The following PTPRF variants were observed in gnomAD, a reference collection of about 807,000 sequenced individuals.
PTPRF encodes protein tyrosine phosphatase receptor type F.
PTPRF carries 59 observed loss-of-function variants against 201.8 expected under a neutral mutation model. The ratio of observed to expected loss-of-function variants is 0.29; its 90% confidence interval spans 0.24 to 0.36. PTPRF has a LOEUF of 0.36. PTPRF is among the 10% of genes least tolerant of loss of function. The pLI is 1.00. For synonymous variants in PTPRF, 1,088 were observed against 1,089.7 expected (o/e 1.00, Z 0.03); for missense variants, 2,132 against 2,690.5 (o/e 0.79, Z 4.59).
rs74336363 is a variant in PTPRF at position 43,554,178 on chromosome 1, G to A, written c.379+237G>A. Among the ~76,000 whole-genome samples the A allele has an allele frequency of 1.8e-3, 272 of 152,320 alleles. 3 individuals carry two copies. The highest frequency in any genetic ancestry group is 5.9e-3 in the African/African-American group (247 of 41,556). Reference sequence around the variant, plus strand: ...TGCCTTTGTATTCTCCTGCTGAGCCGGGTCGTTGGTTGGGTGGGGTCTGGG... The same window carrying A: ...TGCCTTTGTATTCTCCTGCTGAGCCAGGTCGTTGGTTGGGTGGGGTCTGGG... On this transcript the variant is annotated intron_variant, in intron 5 of 33. Coordinates refer to ENST00000359947, the MANE Select transcript of PTPRF (RefSeq NM_002840.5). This position sits in a 1 kb window ranked among gnomAD's most constrained non-coding sequence, Gnocchi z 4.1.
intron 31 of PTPRF, 36 bp from the exon 32 acceptor site, chr1:43,620,802 C>G: frequency 6.3e-7 from 1 of 1,591,000 alleles, no homozygotes; most frequent in Non-Finnish European, 8.6e-7. Flanking sequence ...GCCTAAGGCA[C>G]GAATTCTAAT....
chr1:43,551,622 G>T lies in PTPRF; in HGVS notation c.92-1870G>T, dbSNP rs550212337. Among the ~76,000 whole-genome samples the T allele has an allele frequency of 2.6e-5, 4 of 152,220 alleles. 1 individual carries two copies. The highest frequency in any genetic ancestry group is 9.6e-5 in the African/African-American group (4 of 41,522). On this transcript the variant is annotated intron_variant, in intron 3 of 33. Transcript: ENST00000359947. The stretch of plus-strand genomic sequence containing the variant: ...AGTGAGAAGGCTGGATCAAAGCCTG[G>T]CTCCATGCCTGCATCCCTCTGACTT...
chr1:43,591,883 C>T lies in PTPRF; in HGVS notation c.1603C>T (p.Pro535Ser), dbSNP rs746359623. 1.2e-6 allele frequency: 2 copies of T among 1,613,452 alleles called. No individual in the cohort carries two copies. Among genetic ancestry groups the T allele is most frequent in the Admixed American group, 1.7e-5 (1 of 60,020 alleles). ...DTRIQLSWLL[P>S]PQERIIMYEL... is the part of the protein sequence containing the mutation. ...CAGGATCCAGCTCTCGTGGCTGCTG[C>T]CCCCTCAGGAGCGGATCATCATGTA... The change falls in exon 10 of 34, where the codon CCC becomes TCC. Residue 535 changes from proline to serine, a missense_variant. Transcript: ENST00000359947.
rs1450088118 is a variant in PTPRF at position 43,542,204 on chromosome 1, C to T, written c.-45-2827C>T. ...TGGAGCTGGGAGTGGCCTGAACCGC[C>T]TGACACCAGGGCAGGCTCTGTGCCC... is the stretch of plus-strand genomic sequence containing the variant. On this transcript the variant is annotated intron_variant, in intron 2 of 33. Coordinates refer to ENST00000359947, the MANE Select transcript of PTPRF (RefSeq NM_002840.5). The surrounding 1 kb of genome is among the most constrained non-coding windows in gnomAD (Gnocchi z 5.2). Among the ~76,000 whole-genome samples the T allele has an allele frequency of 5.9e-5, 9 of 152,266 alleles. No homozygotes were observed. Among genetic ancestry groups the T allele is most frequent in the South Asian group, 2.1e-4 (1 of 4,824 alleles).
rs985363679 is a variant in PTPRF at position 43,569,141 on chromosome 1, C to G, written c.380-449C>G. ...ATGAAGGGAACACTGTGTGTGCGGA[C>G]AGGGGAGAGGGGGCTGGACAGCACA... On this transcript the variant is annotated intron_variant, in intron 5 of 33. Coordinates refer to ENST00000359947, the MANE Select transcript of PTPRF (RefSeq NM_002840.5). Among the ~76,000 whole-genome samples, 5 of 152,074 alleles carry G rather than the reference C, an allele frequency of 3.3e-5. No individual in the cohort carries two copies. The South Asian group carries it at 1.0e-3, about 32-fold the overall frequency.
chr1:43,597,723 C>T (rs973987748), intron 11 of PTPRF, 25 bp from the exon 12 acceptor site: 5 of 1,404,520 alleles, frequency 3.6e-6, no homozygotes, highest in East Asian at 2.4e-5. Context: ...CATCTGCTTG[C>T]TTCCCCCCCA....
intron 7 of PTPRF, among the ~76,000 whole-genome samples, chr1:43,583,407 G>A (rs1648261268): frequency 1.3e-5 from 2 of 152,206 alleles, no homozygotes; most frequent in South Asian, 4.1e-4. Flanking sequence ...ACCCAGGCCG[G>A]GCCAGCTGTC....
At chr1:43,605,685 G>T in intron 19 of PTPRF, 63 bp downstream of exon 19, 1 of 1,481,052 alleles carries the variant, frequency 6.8e-7, no homozygotes, top group Non-Finnish European at 9.4e-7. Flanking sequence ...TGGCCTTCCT[G>T]CCCTGAGCAC....
chr1:43,559,233 C>T (rs190397605), intron 5 of PTPRF, among the ~76,000 whole-genome samples: 1 of 152,032 alleles, frequency 6.6e-6, no homozygotes, highest in East Asian at 1.9e-4. Context: ...ACGGGGTGTG[C>T]AGCGGTCAGC....
chr1:43,558,370 C>G (rs1645538347), intron 5 of PTPRF, among the ~76,000 whole-genome samples: 1 of 152,128 alleles, frequency 6.6e-6, no homozygotes, highest in Non-Finnish European at 1.5e-5. Context: ...CAGGGCCACT[C>G]CCACCACAGC....
In PTPRF at chr1:43,603,372, C is replaced by T. The variant is rs920067559; in HGVS notation, c.2341-44C>T. The T allele has an allele frequency of 7.0e-6, 11 of 1,563,870 alleles. No individual in the cohort carries two copies. Among genetic ancestry groups the T allele is most frequent in the Non-Finnish European group, 9.7e-6 (11 of 1,134,420 alleles). On this transcript the variant is annotated intron_variant, in intron 14 of 33. Coordinates refer to ENST00000359947, the MANE Select transcript of PTPRF (RefSeq NM_002840.5). The surrounding 1 kb of genome is among the most constrained non-coding windows in gnomAD (Gnocchi z 5.8). ...AGGTCCCTGACAAGGTCTGGCCTCT[C>T]CCTGCATTCTTGTGATGGGAACGAA...
intron 8 of PTPRF, among the ~76,000 whole-genome samples, chr1:43,589,708 A>C (rs577610944): frequency 9.6e-4 from 146 of 151,534 alleles, no homozygotes; most frequent in Middle Eastern, 6.8e-3. Flanking sequence ...AAAAAAAAAA[A>C]AAAAAAAACT....
intron 13 of PTPRF, among the ~76,000 whole-genome samples, chr1:43,599,461 C>T (rs1653201341): frequency 6.6e-6 from 1 of 152,150 alleles, no homozygotes; most frequent in Non-Finnish European, 1.5e-5. Flanking sequence ...AGAGAGTGCT[C>T]CAGGGCTGTC....
rs1348588531 is a variant in PTPRF at position 43,591,851 on chromosome 1, C to T, written c.1571C>T (p.Ser524Leu). The stretch of plus-strand genomic sequence containing the variant: ...GCGGACTTCCAGGCCGAGGTGGAGT[C>T]GGACACCAGGATCCAGCTCTCGTGG... ...QPADFQAEVE[S>L]DTRIQLSWLL... The change falls in exon 10 of 34, where the codon TCG (serine) becomes TTG (leucine). Residue 524 changes from serine to leucine, a missense_variant. Ser to Leu is a moderately radical substitution (Grantham distance 145). Around this residue, in one of 6 missense-constraint regions of PTPRF, gnomAD observed 351 missense variants for 401.7 expected, o/e 0.87. Coordinates refer to ENST00000359947, the MANE Select transcript of PTPRF (RefSeq NM_002840.5). 3 of 1,613,420 alleles carry T rather than the reference C, an allele frequency of 1.9e-6. No individual in the cohort carries two copies. The highest frequency in any genetic ancestry group is 2.5e-6 in the Non-Finnish European group (3 of 1,180,008).
intron 1 of PTPRF, among the ~76,000 whole-genome samples, chr1:43,535,494 T>C (rs772500893): frequency 9.9e-5 from 15 of 152,194 alleles, no homozygotes; most frequent in Non-Finnish European, 1.9e-4. Flanking sequence ...TTTTAGCTCC[T>C]TAGCAGTATT....
chr1:43,588,683 T>TG lies in PTPRF; in HGVS notation c.680-48_680-47insG, dbSNP rs1557780199. 2 of 1,600,954 alleles carry TG rather than the reference T, an allele frequency of 1.2e-6. No homozygotes were observed. Among genetic ancestry groups the TG allele is most frequent in the Admixed American group, 3.4e-5 (2 of 59,446 alleles). ...GAGGGGCCCCTGCCCTTCCATGCAG[T>TG]CGTGTGTCCTGCCCGGCCTGTGAGT... is the stretch of plus-strand genomic sequence containing the variant. On this transcript the variant is annotated intron_variant, in intron 7 of 33. Coordinates refer to ENST00000359947, the MANE Select transcript of PTPRF (RefSeq NM_002840.5). This position sits in a 1 kb window ranked among gnomAD's most constrained non-coding sequence, Gnocchi z 5.3.
intron 7 of PTPRF, among the ~76,000 whole-genome samples, chr1:43,580,359 G>A (rs1647277426): frequency 6.6e-6 from 1 of 152,224 alleles, no homozygotes; most frequent in Non-Finnish European, 1.5e-5. Context: ...TGGTTCTGGA[G>A]AGGCCACAGG....
At chr1:43,552,168 C>T (rs1407003821) in intron 3 of PTPRF, among the ~76,000 whole-genome samples, 1 of 152,180 alleles carries the variant, frequency 6.6e-6, no homozygotes, top group Non-Finnish European at 1.5e-5. Context: ...CAGCTGCTGG[C>T]TGTATAGTCA....
At chr1:43,560,239 G>A (rs1645710236) in intron 5 of PTPRF, among the ~76,000 whole-genome samples, 1 of 151,510 alleles carries the variant, frequency 6.6e-6, no homozygotes, top group African/African-American at 2.4e-5. Context: ...CCGTGTGTGT[G>A]TGCAGCAGGC....
Sources: gnomAD v4.1 joint callset for allele counts (sites outside exome capture counted in the v4.1 genomes callset) on GRCh38, gnomAD v4.1.1 for gene constraint, gnomAD v4.1.1 regional missense constraint, Gnocchi (gnomAD v3.1) non-coding constraint, MANE v1.5 for transcripts, NCBI Gene and HGNC (gene_info 2026-07-23, HGNC 2026-07-21) for gene names.